CADPS: variants seen among roughly 807,000 people sequenced by gnomAD.
The protein encoded by CADPS is calcium dependent secretion activator, also known as calcium-dependent secretion activator 1.
Under a neutral mutation model 167.3 loss-of-function variants are expected in CADPS, and 57 were observed. The observed-to-expected ratio is 0.34, with a 90% CI of 0.28 to 0.42. CADPS has a LOEUF of 0.42. CADPS is among the 20% of genes least tolerant of loss of function. The probability of loss-of-function intolerance (pLI) is 1.00; values close to 1 mark genes in which losing one functional copy is unlikely to be tolerated. For synonymous variants in CADPS, 676 were observed against 635.3 expected, an observed-to-expected ratio of 1.06 and a Z score of -0.96; for missense variants, 1,414 against 1,738.1, an observed-to-expected ratio of 0.81 and a Z score of 3.32.
intron 3 of CADPS, among the ~76,000 whole-genome samples, chr3:62,692,109 T>C (rs1287561277): frequency 1.3e-5 from 2 of 152,126 alleles, no homozygotes; most frequent in South Asian, 4.2e-4. Flanking sequence ...ATATGGATGA[T>C]GGTATTTTAG....
At chr3:62,780,583 C>T (rs2091382135) in intron 1 of CADPS, among the ~76,000 whole-genome samples, 1 of 152,120 alleles carries the variant, frequency 6.6e-6, no homozygotes, top group South Asian at 2.1e-4. Flanking sequence ...TGATTAGGTC[C>T]AGACTCTATG....
In CADPS at chr3:62,481,827, C is replaced by G. The variant is rs765503663; in HGVS notation, c.3069G>C (p.Val1023=). 6.2e-7 allele frequency: 1 copy of G among 1,611,358 alleles called. No individual in the cohort carries two copies. The highest frequency in any genetic ancestry group is 1.1e-5 in the South Asian group (1 of 90,254). ...SNLPNVNLPN[V]NLPKVPNLPV... ...GTAGATTTGGTACTTTGGGAAGGTT[C>G]ACATTGGGTAGGTTCACATTGGGTA... The change falls in exon 22 of 30, where the codon GTG becomes GTC. Residue 1023 remains valine, a synonymous_variant. Coordinates refer to ENST00000383710, the MANE Select transcript of CADPS (RefSeq NM_003716.4).
chr3:62,868,447 A>C (rs1223300607), intron 1 of CADPS, among the ~76,000 whole-genome samples: 1 of 152,054 alleles, frequency 6.6e-6, no homozygotes, highest in Admixed American at 6.6e-5. Context: ...TTGCAAATCC[A>C]TAAAAACTCA....
At chr3:62,456,991 C>T (rs2150194434) in intron 26 of CADPS, among the ~76,000 whole-genome samples, 1 of 152,164 alleles carries the variant, frequency 6.6e-6, no homozygotes, top group South Asian at 2.1e-4. Flanking sequence ...TAGAAAGTTC[C>T]TTCGATTGAA....
At chr3:62,481,004 A>G (rs1039047704) in intron 22 of CADPS, among the ~76,000 whole-genome samples, 1 of 152,230 alleles carries the variant, frequency 6.6e-6, no homozygotes, top group African/African-American at 2.4e-5. Flanking sequence ...GTGGATGAGT[A>G]TAAAGCATAG....
At chr3:62,824,184 A>G (rs1463802490) in intron 1 of CADPS, among the ~76,000 whole-genome samples, 4 of 150,182 alleles carry the variant, frequency 2.7e-5, no homozygotes, top group East Asian at 2.0e-4. Flanking sequence ...AAAAAAAAAG[A>G]AAAAAGAAAG....
At chr3:62,527,480 C>T (rs1463680745) in intron 13 of CADPS, among the ~76,000 whole-genome samples, 1 of 151,952 alleles carries the variant, frequency 6.6e-6, no homozygotes, top group African/African-American at 2.4e-5. Context: ...TGGGGATTAC[C>T]CCCAGTAATT....
chr3:62,643,940 T>G (rs960208849), intron 6 of CADPS, among the ~76,000 whole-genome samples: 1 of 152,192 alleles, frequency 6.6e-6, no homozygotes, highest in Non-Finnish European at 1.5e-5. Flanking sequence ...CCACATTTAT[T>G]GTCAGTTTGA....
intron 17 of CADPS, among the ~76,000 whole-genome samples, chr3:62,504,291 T>C (rs1283817018): frequency 6.6e-6 from 1 of 152,168 alleles, no homozygotes; most frequent in Non-Finnish European, 1.5e-5. Context: ...TCATAAAAAA[T>C]AGTACTCCAT....
chr3:62,673,929 G>C (rs147941122), intron 3 of CADPS, among the ~76,000 whole-genome samples: 4 of 152,258 alleles, frequency 2.6e-5, no homozygotes, highest in African/African-American at 9.6e-5. Flanking sequence ...TCAACAGGAA[G>C]TCCAGAAAAA....
rs750970158 is a variant in CADPS at position 62,650,992 on chromosome 3, T to C, written c.1058A>G (p.Asn353Ser). 3 of 1,614,046 alleles carry C rather than the reference T, an allele frequency of 1.9e-6. No homozygotes were observed. The Admixed American group carries it at 5.0e-5, about 27-fold the overall frequency. Residue 353 changes from asparagine to serine, a missense_variant, in exon 5 of 30, where the codon AAC becomes AGC. By Grantham distance (46) the Asn-to-Ser change is conservative. This residue lies in a region of CADPS where 522 missense variants were observed against 559.5 expected (regional missense o/e 0.93). Transcript: ENST00000383710. ...LKSSVNLLMA[N>S]LESMPVSKGG... Reference sequence around the variant, plus strand: ...TTTGGATACCGGCATGCTCTCCAAGTTGGCCATGAGCAGGTTGACAGATGA... The same window carrying C: ...TTTGGATACCGGCATGCTCTCCAAGCTGGCCATGAGCAGGTTGACAGATGA...
At chr3:62,453,156 T>G (rs924176741) in intron 26 of CADPS, among the ~76,000 whole-genome samples, 1 of 151,840 alleles carries the variant, frequency 6.6e-6, no homozygotes, top group Non-Finnish European at 1.5e-5. Context: ...TAATAAACAA[T>G]ATAATAATAG....
intron 11 of CADPS, among the ~76,000 whole-genome samples, chr3:62,548,455 T>C (rs1281807866): frequency 6.6e-6 from 1 of 152,196 alleles, no homozygotes; most frequent in Non-Finnish European, 1.5e-5. Flanking sequence ...AGGGCATGCA[T>C]CACCATCAGT....
intron 17 of CADPS, among the ~76,000 whole-genome samples, chr3:62,511,935 C>T (rs1299640805): frequency 3.3e-5 from 5 of 152,158 alleles, no homozygotes; most frequent in African/African-American, 1.2e-4. Context: ...TAAATATCTT[C>T]CCTACCAGAG....
rs530638447 is a variant in CADPS, at chr3:62,448,814, A to G, written c.3637-3017T>C. Among the ~76,000 whole-genome samples the G allele has an allele frequency of 3.0e-3, 461 of 152,200 alleles. 2 individuals are homozygous for G. The highest frequency in any genetic ancestry group is 0.011 in the African/African-American group (443 of 41,510). On this transcript the variant is annotated intron_variant, in intron 26 of 29. Coordinates refer to ENST00000383710, the MANE Select transcript of CADPS (RefSeq NM_003716.4). Reference sequence around the variant, plus strand: ...TTTTTAGTAGAGATGGGGTTTCACCATGTTGACCAGGCTGGTCTCAAACTT... The same window carrying G: ...TTTTTAGTAGAGATGGGGTTTCACCGTGTTGACCAGGCTGGTCTCAAACTT...
chr3:62,799,800 A>C (rs9867388), intron 1 of CADPS, among the ~76,000 whole-genome samples: 1 of 151,988 alleles, frequency 6.6e-6, no homozygotes, highest in Non-Finnish European at 1.5e-5. Flanking sequence ...TGTTACCACC[A>C]CCACCACCAT....
chr3:62,702,425 G>A (rs1293040721), intron 3 of CADPS, among the ~76,000 whole-genome samples: 8 of 152,122 alleles, frequency 5.3e-5, no homozygotes, highest in African/African-American at 1.9e-4. Flanking sequence ...TGATAGTGGA[G>A]TTCAGGCCTG....
In CADPS at chr3:62,495,676, TACC is replaced by T. The variant is rs145500524; in HGVS notation, c.2707-2014_2707-2012del. On this transcript the variant is annotated intron_variant, in intron 18 of 29. Coordinates refer to ENST00000383710, the MANE Select transcript of CADPS (RefSeq NM_003716.4). ...ACATGTATATATGTACTCCTCTATA[TACC>T]ACAATACATATATACATATACATAC... Among the ~76,000 whole-genome samples the T allele has an allele frequency of 3.8e-4, 58 of 152,338 alleles. No individual in the cohort carries two copies. In the East Asian group the frequency reaches 0.01, roughly 26 times the overall value.
chr3:62,557,041 A>T (rs1313709134), intron 10 of CADPS, among the ~76,000 whole-genome samples: 1 of 96,402 alleles, frequency 1.0e-5, no homozygotes, highest in African/African-American at 3.8e-5. Context: ...ACACACACAC[A>T]CACACACACT....
Sources: gnomAD v4.1 joint callset for allele counts (sites outside exome capture counted in the v4.1 genomes callset) on GRCh38, gnomAD v4.1.1 for gene constraint, gnomAD v4.1.1 regional missense constraint, MANE v1.5 for transcripts, NCBI Gene and HGNC (gene_info 2026-07-23, HGNC 2026-07-21) for gene names.